TMEM131: variants seen among roughly 807,000 people sequenced by gnomAD.
TMEM131 encodes the protein transmembrane protein 131, also known as 2610524E03Rik.
In TMEM131, 66 loss-of-function variants were observed where a neutral mutation model predicts 211.6. The observed-to-expected ratio is 0.31, with a 90% CI of 0.26 to 0.38. The LOEUF is 0.38. Among genes scored for constraint, TMEM131 ranks in the 10% least tolerant of loss-of-function variants. The pLI is 1.00. For missense variants in TMEM131, 2,036 were observed against 2,299.3 expected (o/e 0.89, Z 2.34); for synonymous variants, 844 against 841.3 (o/e 1.00, Z -0.06).
At chr2:97,816,703 G>A (rs142056335) in intron 12 of TMEM131, among the ~76,000 whole-genome samples, 37 of 152,198 alleles carry the variant, frequency 2.4e-4, no homozygotes, top group Non-Finnish European at 4.7e-4. Flanking sequence ...TTGTTCTGAC[G>A]TAAGACTGAT....
chr2:97,977,257 A>T (rs904818162), intron 1 of TMEM131, among the ~76,000 whole-genome samples: 2 of 152,226 alleles, frequency 1.3e-5, no homozygotes, highest in Non-Finnish European at 2.9e-5. Flanking sequence ...AATCCTTGTA[A>T]ATATGTATCT....
intron 39 of TMEM131, chr2:97,759,419 TG>T (rs1678695040): frequency 1.8e-6 from 1 of 541,380 alleles, no homozygotes; most frequent in Non-Finnish European, 3.3e-6. Flanking sequence ...ATACCCGCCA[TG>T]GAACTCACAC....
chr2:97,759,052 T>G lies in TMEM131; in HGVS notation c.5208A>C (p.Glu1736Asp). The part of the protein sequence containing the change: ...AFGNSFNLTG[E>D]VFSKLGLSRS... The stretch of plus-strand genomic sequence containing the variant: ...GAGATAATCCGAGTTTGCTGAAAAC[T>G]TCTGGAAATAAAGCAACAGTCATCA... The change falls in exon 40 of 41, where the codon GAA becomes GAC. Residue 1736 changes from glutamate (E) to aspartate (D), a missense_variant and splice_region_variant. Physicochemically the swap from Glu to Asp is conservative, Grantham distance 45. Transcript: ENST00000186436. 6.2e-7 allele frequency: 1 copy of G among 1,614,034 alleles called. No individual in the cohort carries two copies. Among genetic ancestry groups the G allele is most frequent in the Non-Finnish European group, 8.5e-7 (1 of 1,179,882 alleles).
chr2:97,896,792 C>T (rs907760076), intron 3 of TMEM131, among the ~76,000 whole-genome samples: 2 of 151,790 alleles, frequency 1.3e-5, no homozygotes, highest in Admixed American at 1.3e-4. Context: ...TGATGTTTTT[C>T]TTTTTAAAAC....
chr2:97,846,591 CCATGGGCTGCATGCA>C (rs1320259993), intron 5 of TMEM131, among the ~76,000 whole-genome samples: 6 of 151,810 alleles, frequency 4.0e-5, no homozygotes, highest in Non-Finnish European at 7.4e-5. Context: ...ATCCTGCAGC[CCATGGGCTGCATGCA>C]GCCCAGGATA....
chr2:97,797,555 A>G, intron 25 of TMEM131, 39 bp from the exon 26 acceptor site: 1 of 1,548,936 alleles, frequency 6.5e-7, no homozygotes, highest in Non-Finnish European at 8.7e-7. Flanking sequence ...TCATGAATAT[A>G]TTCTCTGGAA....
intron 1 of TMEM131, among the ~76,000 whole-genome samples, chr2:97,957,553 G>A (rs1171916002): frequency 6.6e-6 from 1 of 152,014 alleles, no homozygotes; most frequent in African/African-American, 2.4e-5. Flanking sequence ...CATAGGATGG[G>A]GAGAGGCAAG....
chr2:97,809,585 CTAAT>C, intron 19 of TMEM131, 99 bp downstream of exon 19: 1 of 770,452 alleles, frequency 1.3e-6, no homozygotes, highest in South Asian at 1.6e-5. Context: ...AAATAAATGA[CTAAT>C]AAAGAATAAC....
At chr2:97,825,967 G>A (rs115515763) in intron 11 of TMEM131, among the ~76,000 whole-genome samples, 39 of 152,290 alleles carry the variant, frequency 2.6e-4, no homozygotes, top group African/African-American at 8.9e-4. Flanking sequence ...TTGAGCAACC[G>A]GTGCTTCAAA....
intron 2 of TMEM131, among the ~76,000 whole-genome samples, chr2:97,925,520 T>TA (rs1362499769): frequency 6.6e-6 from 1 of 152,144 alleles, no homozygotes. Flanking sequence ...ATAGAAAACA[T>TA]AATCTATGGG....
intron 2 of TMEM131, chr2:97,912,960 A>T (rs1337863611): frequency 2.6e-5 from 4 of 152,216 alleles, no homozygotes; most frequent in African/African-American, 9.6e-5. Context: ...AAACGAACAC[A>T]TCTGATAATT....
chr2:97,882,617 C>T (rs992660844), intron 4 of TMEM131, among the ~76,000 whole-genome samples: 4 of 152,340 alleles, frequency 2.6e-5, no homozygotes, highest in Middle Eastern at 3.4e-3. Context: ...GGTTCCAGCC[C>T]GCTATCCTCC....
intron 1 of TMEM131, among the ~76,000 whole-genome samples, chr2:97,959,851 T>C (rs970457358): frequency 2.0e-5 from 3 of 152,224 alleles, no homozygotes; most frequent in Admixed American, 2.0e-4. Context: ...GTTGTCACTT[T>C]AGTCTCCTTT....
intron 17 of TMEM131, 24 bp downstream of exon 17, chr2:97,812,397 G>A: frequency 1.3e-6 from 2 of 1,588,886 alleles, no homozygotes; most frequent in Non-Finnish European, 1.7e-6. Context: ...CTTACTTTAA[G>A]GAGACAATAG....
At chr2:97,848,018 T>C (rs532333614) in intron 5 of TMEM131, among the ~76,000 whole-genome samples, 22 of 152,264 alleles carry the variant, frequency 1.4e-4, no homozygotes, top group African/African-American at 4.8e-4. Flanking sequence ...AATTGGAGGA[T>C]TCATAGTATC....
chr2:97,843,709 A>G (rs1484066070), intron 6 of TMEM131, among the ~76,000 whole-genome samples: 1 of 152,220 alleles, frequency 6.6e-6, no homozygotes, highest in Non-Finnish European at 1.5e-5. Context: ...GATTTACTAT[A>G]TGACTCCTAT....
chr2:97,816,220 A>G (rs1004228683), intron 12 of TMEM131, among the ~76,000 whole-genome samples: 1 of 152,142 alleles, frequency 6.6e-6, no homozygotes, highest in Non-Finnish European at 1.5e-5. Context: ...ACGTGCCTGT[A>G]ATCTCAGCTA....
intron 1 of TMEM131, among the ~76,000 whole-genome samples, chr2:97,957,567 AT>A (rs1678629053): frequency 6.6e-6 from 1 of 152,298 alleles, no homozygotes; most frequent in South Asian, 2.1e-4. Flanking sequence ...AGGCAAGGTT[AT>A]TTCATGATCT....
intron 4 of TMEM131, among the ~76,000 whole-genome samples, chr2:97,869,420 T>C (rs908227835): frequency 3.3e-5 from 5 of 152,190 alleles, no homozygotes; most frequent in African/African-American, 1.2e-4. Context: ...TGCCCTTTCT[T>C]CCAGGGATCA....
Sources: gnomAD v4.1 joint callset for allele counts (sites outside exome capture counted in the v4.1 genomes callset) on GRCh38, gnomAD v4.1.1 for gene constraint, MANE v1.5 for transcripts, NCBI Gene and HGNC (gene_info 2026-07-23, HGNC 2026-07-21) for gene names.